Variants in TMEM11 observed in about 807,000 individuals in gnomAD.
TMEM11 encodes the protein transmembrane protein 11, mitochondrial.
TMEM11 carries 1 observed loss-of-function variant against 17.0 expected under a neutral mutation model. That is an observed-to-expected ratio of 0.06 (90% confidence interval 0.02 to 0.28). TMEM11 has a LOEUF of 0.28. TMEM11 is among the 10% of genes least tolerant of loss of function. The pLI is 1.00. For synonymous variants in TMEM11, 122 were observed against 118.1 expected (o/e 1.03, Z -0.21); for missense variants, 172 against 252.9 (o/e 0.68, Z 2.17).
rs58031189 is a variant in TMEM11 at position 21,199,328 on chromosome 17, GAAA to G, written c.63-491_63-489del. 9.7e-4 allele frequency among the ~76,000 whole-genome samples: 76 copies of G among 78,302 alleles called. 1 individual carries two copies. Among genetic ancestry groups the G allele is most frequent in the Non-Finnish European group, 1.4e-3 (59 of 43,044 alleles). The allele number at this position is 78,302 out of a possible 152,430, so 51.4% of individuals were successfully genotyped here. A position where few individuals can be genotyped will look rare whatever the true frequency, so the allele number is the denominator to read the frequency against. On this transcript the variant is annotated intron_variant, in intron 1 of 1. Transcript: ENST00000317635. ...GGTGACAGGGCGAGACTCAGTCTCA[GAAA>G]AAAAAAAAAAAAAAAGATATAAAAA...
In TMEM11 at chr17:21,214,080, T is replaced by C; in HGVS notation, c.62+11A>G. On this transcript the variant is annotated intron_variant, in intron 1 of 1. Coordinates refer to ENST00000317635, the MANE Select transcript of TMEM11 (RefSeq NM_003876.3). Reference sequence around the variant, plus strand: ...CGCCTGCACTGGGGGCAACAAGCCCTTGGATCTCACCTCTCTCGGGCGCTG... The same window carrying C: ...CGCCTGCACTGGGGGCAACAAGCCCCTGGATCTCACCTCTCTCGGGCGCTG... The C allele has an allele frequency of 6.2e-7, 1 of 1,608,550 alleles. No homozygotes were observed. Among genetic ancestry groups the C allele is most frequent in the South Asian group, 1.1e-5 (1 of 90,376 alleles).
In TMEM11 at chr17:21,199,762, G is replaced by A. The variant is rs192500903; in HGVS notation, c.63-922C>T. On this transcript the variant is annotated intron_variant, in intron 1 of 1. Transcript: ENST00000317635. ...GGGTGCCCTTCCTGGGCCGGCAGCA[G>A]CCCCCAGCTCCTCCCCGCTGCGGAG... Among the ~76,000 whole-genome samples, 36 of 152,324 alleles carry A rather than the reference G, an allele frequency of 2.4e-4. No individual in the cohort carries two copies. In the East Asian group the frequency reaches 6.8e-3, roughly 29 times the overall value.
intron 1 of TMEM11, among the ~76,000 whole-genome samples, chr17:21,200,671 C>T (rs1416363925): frequency 6.6e-6 from 1 of 152,236 alleles, no homozygotes; most frequent in East Asian, 1.9e-4. Flanking sequence ...CCAGGCAACA[C>T]AAGGGTCAAT....
At chr17:21,207,047 G>A (rs974962911) in intron 1 of TMEM11, among the ~76,000 whole-genome samples, 1 of 152,036 alleles carries the variant, frequency 6.6e-6, no homozygotes, top group Non-Finnish European at 1.5e-5. Flanking sequence ...ACCACCAGTC[G>A]GCTTCCCAAC....
chr17:21,200,551 G>A (rs1974872241), intron 1 of TMEM11, among the ~76,000 whole-genome samples: 1 of 152,164 alleles, frequency 6.6e-6, no homozygotes, highest in African/African-American at 2.4e-5. Context: ...CTGGTCCCCA[G>A]GATGGTCGGA....
At position 21,198,495 on chromosome 17, in the gene TMEM11, C is replaced by T; in HGVS notation, c.408G>A (p.Val136=). ...GCGACAGTTTATAGGCGTCGTACTC[C>T]ACTTGGTACTTGCAGCAAGGGTCAA... ...WQFDPCCKYQ[V]EYDAYKLSRL... Residue 136 remains valine (V), a synonymous_variant, in exon 2 of 2, where the codon GTG becomes GTA. Transcript: ENST00000317635. The surrounding 1 kb of genome is among the most constrained non-coding windows in gnomAD (Gnocchi z 6.5). 6.2e-7 allele frequency: 1 copy of T among 1,614,236 alleles called. No individual in the cohort carries two copies. The highest frequency in any genetic ancestry group is 8.5e-7 in the Non-Finnish European group (1 of 1,180,046).
At chr17:21,209,907 A>G (rs1974984192) in intron 1 of TMEM11, among the ~76,000 whole-genome samples, 1 of 152,222 alleles carries the variant, frequency 6.6e-6, no homozygotes, top group South Asian at 2.1e-4. Context: ...AAGAACTGTT[A>G]TGACTACTAC....
Position 21,206,315 on chromosome 17 carries a change from G to A in TMEM11, c.63-7475C>T, listed in dbSNP as rs542302230. 4.3e-4 allele frequency among the ~76,000 whole-genome samples: 66 copies of A among 152,166 alleles called. 1 individual carries two copies. Among genetic ancestry groups the A allele is most frequent in the Admixed American group, 1.8e-3 (27 of 15,280 alleles). On this transcript the variant is annotated intron_variant, in intron 1 of 1. Coordinates refer to ENST00000317635, the MANE Select transcript of TMEM11 (RefSeq NM_003876.3). ...CGACTCACTGCAACCTCCGCCTCCC[G>A]GGCTTAAGCGAGTCTCCTGCCTCAG...
chr17:21,211,578 A>C (rs957934939), intron 1 of TMEM11, among the ~76,000 whole-genome samples: 3 of 152,268 alleles, frequency 2.0e-5, no homozygotes, highest in African/African-American at 7.2e-5. Flanking sequence ...AAGAACCCAC[A>C]CGCTACACGT....
intron 1 of TMEM11, among the ~76,000 whole-genome samples, chr17:21,199,377 G>A (rs980419669): frequency 1.1e-4 from 15 of 142,438 alleles, no homozygotes; most frequent in African/African-American, 1.5e-4. Flanking sequence ...GCAGTGCCTC[G>A]ACGTTTAACA....
chr17:21,199,048 G>A (rs1224045504), intron 1 of TMEM11, among the ~76,000 whole-genome samples: 1 of 152,026 alleles, frequency 6.6e-6, no homozygotes, highest in Non-Finnish European at 1.5e-5. Flanking sequence ...AAAGCTGGGT[G>A]TGGTGGCTCA....
At chr17:21,204,799 A>C (rs1974924787) in intron 1 of TMEM11, among the ~76,000 whole-genome samples, 1 of 152,092 alleles carries the variant, frequency 6.6e-6, no homozygotes, top group Non-Finnish European at 1.5e-5. Flanking sequence ...AAGTAAAAGG[A>C]TCAGTGTCAT....
chr17:21,202,100 G>A (rs967290000), intron 1 of TMEM11, among the ~76,000 whole-genome samples: 1 of 152,184 alleles, frequency 6.6e-6, no homozygotes, highest in African/African-American at 2.4e-5. Flanking sequence ...GGGGAGGGGC[G>A]GGGCCTCCAC....
chr17:21,214,064 TG>T (rs1323522705), intron 1 of TMEM11, 26 bp downstream of exon 1: 1 of 1,602,796 alleles, frequency 6.2e-7, no homozygotes, highest in South Asian at 1.1e-5. Flanking sequence ...CCGCCTGCAC[TG>T]GGGGCAACAA....
chr17:21,198,659 G>A lies in TMEM11; in HGVS notation c.244C>T (p.His82Tyr), dbSNP rs766340376. 4 of 1,614,024 alleles carry A rather than the reference G, an allele frequency of 2.5e-6. No homozygotes were observed. In the African/African-American group the frequency reaches 5.3e-5, roughly 22 times the overall value. ...ARWITVGNCL[H>Y]KTAVLAGTAC... ...GTGCCCGCCAGCACGGCCGTCTTGT[G>A]CAGGCAGTTGCCCACGGTGATCCAG... The change falls in exon 2 of 2, where the codon CAC becomes TAC. Residue 82 changes from histidine to tyrosine, a missense_variant. His to Tyr is a moderately conservative substitution (Grantham distance 83). Coordinates refer to ENST00000317635, the MANE Select transcript of TMEM11 (RefSeq NM_003876.3). The surrounding 1 kb of genome is among the most constrained non-coding windows in gnomAD (Gnocchi z 6.5).
At chr17:21,211,071 A>G in intron 1 of TMEM11, 1 of 1,289,856 alleles carries the variant, frequency 7.8e-7, no homozygotes, top group South Asian at 1.2e-5. Context: ...AGATACCTGC[A>G]CTGTGCTTTC....
At position 21,206,116 on chromosome 17, in the gene TMEM11, T is replaced by C. The variant is rs184643469; in HGVS notation, c.63-7276A>G. ...ATAGCAGTTCAATTTTTTAGTTTTT[T>C]TGAGGAATCTCTATACTGTTTTCCA... On this transcript the variant is annotated intron_variant, in intron 1 of 1. Coordinates refer to ENST00000317635, the MANE Select transcript of TMEM11 (RefSeq NM_003876.3). Among the ~76,000 whole-genome samples the C allele has an allele frequency of 5.9e-5, 9 of 152,260 alleles. No individual in the cohort carries two copies. In the East Asian group the frequency reaches 9.6e-4, roughly 16 times the overall value.
chr17:21,202,391 C>T (rs1262383753), intron 1 of TMEM11, among the ~76,000 whole-genome samples: 1 of 152,162 alleles, frequency 6.6e-6, no homozygotes, highest in Non-Finnish European at 1.5e-5. Flanking sequence ...AATGTTCTCG[C>T]CAACACCCAA....
intron 1 of TMEM11, among the ~76,000 whole-genome samples, chr17:21,205,639 C>T (rs1054711211): frequency 1.2e-4 from 19 of 152,082 alleles, no homozygotes; most frequent in African/African-American, 4.6e-4. Flanking sequence ...ACCATCACCA[C>T]CATCCACCTC....
Sources: gnomAD v4.1 joint callset for allele counts (sites outside exome capture counted in the v4.1 genomes callset) on GRCh38, gnomAD v4.1.1 for gene constraint, Gnocchi (gnomAD v3.1) non-coding constraint, MANE v1.5 for transcripts, NCBI Gene and HGNC (gene_info 2026-07-23, HGNC 2026-07-21) for gene names.